DENND1A: variants seen among roughly 807,000 people sequenced by gnomAD.
The protein encoded by DENND1A is DENN domain-containing protein 1A.
A neutral mutation model predicts 113.7 loss-of-function variants in DENND1A; 51 were observed. The ratio of observed to expected loss-of-function variants is 0.45; its 90% CI spans 0.36 to 0.57. The LOEUF is 0.57. Among genes scored for constraint, DENND1A ranks in the 20% least tolerant of loss-of-function variants. The pLI, the probability that DENND1A is intolerant of heterozygous loss-of-function variation, is 0.00. For missense variants in DENND1A, 1,258 were observed against 1,395.9 expected, an observed-to-expected ratio of 0.90 and a Z score of 1.57; for synonymous variants, 565 against 570.8, an observed-to-expected ratio of 0.99 and a Z score of 0.14.
chr9:123,626,314 C>T (rs991215125), intron 10 of DENND1A, among the ~76,000 whole-genome samples: 1 of 151,576 alleles, frequency 6.6e-6, no homozygotes, highest in African/African-American at 2.4e-5. Context: ...AAGGTGGGCG[C>T]GTCTGTGTGG....
intron 13 of DENND1A, among the ~76,000 whole-genome samples, chr9:123,468,712 G>A (rs1363881905): frequency 6.6e-6 from 1 of 152,168 alleles, no homozygotes; most frequent in Non-Finnish European, 1.5e-5. Flanking sequence ...GTGGTGTCTG[G>A]CCTAAAGAAT....
chr9:123,889,331 A>G (rs1849572608), intron 1 of DENND1A, among the ~76,000 whole-genome samples: 1 of 152,216 alleles, frequency 6.6e-6, no homozygotes, highest in African/African-American at 2.4e-5. Context: ...GAAAAATGAG[A>G]AAGTGCTTTG....
chr9:123,417,476 C>A (rs954474371), intron 19 of DENND1A, among the ~76,000 whole-genome samples: 16 of 152,146 alleles, frequency 1.1e-4, no homozygotes, highest in African/African-American at 3.1e-4. Flanking sequence ...AAACAGGAGG[C>A]CCAGAGAGGT....
At chr9:123,630,830 TC>T (rs1224319518) in intron 9 of DENND1A, among the ~76,000 whole-genome samples, 1 of 152,214 alleles carries the variant, frequency 6.6e-6, no homozygotes, top group African/African-American at 2.4e-5. Context: ...TATACAGTAT[TC>T]TTCTGTGTTT....
At chr9:123,877,513 T>A (rs1847676205) in intron 2 of DENND1A, among the ~76,000 whole-genome samples, 1 of 143,578 alleles carries the variant, frequency 7.0e-6, no homozygotes, top group South Asian at 2.2e-4. Flanking sequence ...TAAAATAAAA[T>A]ACTTGCAAAA....
intron 18 of DENND1A, among the ~76,000 whole-genome samples, chr9:123,441,841 C>G (rs992854866): frequency 6.6e-6 from 1 of 152,282 alleles, no homozygotes; most frequent in Non-Finnish European, 1.5e-5. Flanking sequence ...AAATATATCC[C>G]CTTAGTACTC....
intron 11 of DENND1A, among the ~76,000 whole-genome samples, chr9:123,593,837 G>A (rs1450689414): frequency 6.6e-6 from 1 of 152,144 alleles, no homozygotes; most frequent in Non-Finnish European, 1.5e-5. Context: ...AGTGTTGGAG[G>A]AGGGGCCTGG....
chr9:123,420,863 A>AG (rs1431210929), intron 19 of DENND1A, among the ~76,000 whole-genome samples: 1 of 11,232 alleles, frequency 8.9e-5, no homozygotes, highest in African/African-American at 3.7e-4. Context: ...GAGGCGGGGG[A>AG]GGGAGGAGGG....
chr9:123,917,852 T>A (rs1054121379), intron 1 of DENND1A, among the ~76,000 whole-genome samples: 1 of 152,062 alleles, frequency 6.6e-6, no homozygotes, highest in African/African-American at 2.4e-5. Context: ...GGCTCACGCC[T>A]GTAATCTCAG....
chr9:123,771,670 T>C (rs1820525553), intron 3 of DENND1A, among the ~76,000 whole-genome samples: 2 of 152,202 alleles, frequency 1.3e-5, no homozygotes, highest in Admixed American at 1.3e-4. Context: ...GAATCTAATA[T>C]GCCCAACTTA....
At chr9:123,697,490 C>T (rs765624551) in intron 5 of DENND1A, among the ~76,000 whole-genome samples, 2 of 152,142 alleles carry the variant, frequency 1.3e-5, no homozygotes, top group Non-Finnish European at 2.9e-5. Context: ...ACCCATCACT[C>T]GAGCAGTATA....
At chr9:123,601,795 A>G (rs898864985) in intron 11 of DENND1A, among the ~76,000 whole-genome samples, 3 of 152,218 alleles carry the variant, frequency 2.0e-5, no homozygotes, top group Admixed American at 6.5e-5. Flanking sequence ...AATTTTACAG[A>G]TAAGAGTGGA....
chr9:123,690,341 A>G (rs929384031), intron 5 of DENND1A, among the ~76,000 whole-genome samples: 20 of 152,290 alleles, frequency 1.3e-4, no homozygotes, highest in Admixed American at 8.5e-4. Context: ...TTGAGCATGC[A>G]GTGCCTTAAA....
intron 2 of DENND1A, among the ~76,000 whole-genome samples, chr9:123,816,294 G>A (rs1344395106): frequency 2.6e-5 from 4 of 152,034 alleles, no homozygotes; most frequent in Non-Finnish European, 4.4e-5. Flanking sequence ...GAGCCACCAC[G>A]CCCAGCTGAA....
chr9:123,515,811 C>T (rs79152329), intron 13 of DENND1A, among the ~76,000 whole-genome samples: 22,125 of 151,876 alleles, frequency 0.15, 1,679 homozygotes, highest in South Asian at 0.16. Flanking sequence ...CTGAGGTGGG[C>T]GGATCCCTTG....
In DENND1A at chr9:123,681,685, A is replaced by G. The variant is rs191610549; in HGVS notation, c.303-4896T>C. 1.4e-3 allele frequency among the ~76,000 whole-genome samples: 209 copies of G among 152,346 alleles called. 3 individuals carry two copies. Among genetic ancestry groups the G allele is most frequent in the Admixed American group, 0.012 (179 of 15,308 alleles). On this transcript the variant is annotated intron_variant, in intron 5 of 23. Coordinates refer to ENST00000394215, the MANE Select transcript of DENND1A (RefSeq NM_001352964.2). ...GCATCATGATGTTCAGTAGACAGGT[A>G]GGAAAGTAGAGACAGATAAAATAAA...
chr9:123,604,164 G>A (rs925232538), intron 11 of DENND1A, among the ~76,000 whole-genome samples: 2 of 152,100 alleles, frequency 1.3e-5, no homozygotes, highest in African/African-American at 4.8e-5. Context: ...TGCTCCTATC[G>A]GAGGCTGAAC....
chr9:123,418,007 G>A (rs1459294115), intron 19 of DENND1A, among the ~76,000 whole-genome samples: 2 of 152,166 alleles, frequency 1.3e-5, no homozygotes, highest in African/African-American at 4.8e-5. Flanking sequence ...GGGGAGGTCA[G>A]ATAAAAAGAG....
intron 2 of DENND1A, chr9:123,843,503 A>G: frequency 3.7e-6 from 1 of 273,690 alleles, no homozygotes; most frequent in East Asian, 1.0e-4. Context: ...AGATCATTAC[A>G]ATTTCTAGTT....
Sources: gnomAD v4.1 joint callset for allele counts (sites outside exome capture counted in the v4.1 genomes callset) on GRCh38, gnomAD v4.1.1 for gene constraint, MANE v1.5 for transcripts, NCBI Gene and HGNC (gene_info 2026-07-23, HGNC 2026-07-21) for gene names.